Variants in PDE4B observed in about 807,000 individuals in gnomAD.
PDE4B encodes phosphodiesterase 4B.
Under a neutral mutation model 82.2 loss-of-function variants are expected in PDE4B, and 20 were observed. The ratio of observed to expected loss-of-function variants is 0.24; its 90% CI spans 0.17 to 0.35. The LOEUF is 0.35. Among genes scored for constraint, PDE4B ranks in the 10% least tolerant of loss-of-function variants. PDE4B has a pLI of 1.00. For missense variants in PDE4B, 655 were observed against 907.2 expected, an observed-to-expected ratio of 0.72 and a Z score of 3.57; for synonymous variants, 320 against 318.9, an observed-to-expected ratio of 1.00 and a Z score of -0.04.
intron 3 of PDE4B, among the ~76,000 whole-genome samples, chr1:66,014,007 G>T (rs1652632445): frequency 6.6e-6 from 1 of 152,050 alleles, no homozygotes; most frequent in African/African-American, 2.4e-5. Flanking sequence ...GTGTTAGATG[G>T]CACATCATCT....
At chr1:66,095,735 A>G (rs1645101629) in intron 3 of PDE4B, among the ~76,000 whole-genome samples, 1 of 151,854 alleles carries the variant, frequency 6.6e-6, no homozygotes, top group Non-Finnish European at 1.5e-5. Flanking sequence ...GATCATAACA[A>G]TCATCTCACA....
At chr1:66,371,072 A>ATATG (rs1345206636) in intron 16 of PDE4B, among the ~76,000 whole-genome samples, 8 of 137,964 alleles carry the variant, frequency 5.8e-5, no homozygotes, top group African/African-American at 2.1e-4. Context: ...ATATATATAT[A>ATATG]TATATATACA....
chr1:66,029,679 A>G (rs1350437090), intron 3 of PDE4B, among the ~76,000 whole-genome samples: 1 of 152,176 alleles, frequency 6.6e-6, no homozygotes, highest in African/African-American at 2.4e-5. Context: ...ATATGTTACT[A>G]TAATAATAAG....
chr1:66,069,057 C>A (rs1047725123), intron 3 of PDE4B, among the ~76,000 whole-genome samples: 2 of 151,970 alleles, frequency 1.3e-5, no homozygotes, highest in African/African-American at 4.8e-5. Context: ...ACAAAGAGAA[C>A]AGGCTGTGGC....
chr1:66,320,878 G>GGAT (rs1659352602), intron 7 of PDE4B, among the ~76,000 whole-genome samples: 1 of 152,170 alleles, frequency 6.6e-6, no homozygotes, highest in Non-Finnish European at 1.5e-5. Context: ...GATGACACTA[G>GGAT]GCTGCATCCT....
intron 7 of PDE4B, among the ~76,000 whole-genome samples, chr1:66,286,358 T>C (rs1467214351): frequency 6.6e-6 from 1 of 152,178 alleles, no homozygotes; most frequent in Non-Finnish European, 1.5e-5. Context: ...TATTTTGAAA[T>C]GCTATTAAAA....
intron 3 of PDE4B, among the ~76,000 whole-genome samples, chr1:66,215,491 A>T (rs989948718): frequency 6.6e-6 from 1 of 152,306 alleles, no homozygotes; most frequent in African/African-American, 2.4e-5. Context: ...GAGGGTAAAC[A>T]TACAATATTA....
chr1:65,861,458 G>A (rs1646453102), intron 1 of PDE4B, among the ~76,000 whole-genome samples: 3 of 152,112 alleles, frequency 2.0e-5, no homozygotes, highest in Admixed American at 2.0e-4. Flanking sequence ...TAGCCTTGTA[G>A]TTAGTTTGAA....
intron 3 of PDE4B, among the ~76,000 whole-genome samples, chr1:66,189,591 C>T (rs1234407189): frequency 5.9e-5 from 9 of 152,150 alleles, no homozygotes; most frequent in East Asian, 3.9e-4. Context: ...TTTGATCTTC[C>T]GTCATTGATA....
intron 3 of PDE4B, among the ~76,000 whole-genome samples, chr1:66,129,659 CAA>C (rs59846345): frequency 0.028 from 2,633 of 94,790 alleles, 116 homozygotes; most frequent in East Asian, 0.17. Flanking sequence ...GACTCCGTCT[CAA>C]AAAAAAAAAA....
intron 4 of PDE4B, among the ~76,000 whole-genome samples, chr1:66,256,450 C>T (rs1306910239): frequency 3.3e-5 from 5 of 152,136 alleles, no homozygotes; most frequent in South Asian, 2.1e-4. Flanking sequence ...AGTAGTGACA[C>T]AAATAATGCT....
At chr1:65,828,127 G>A (rs756325049) in intron 1 of PDE4B, among the ~76,000 whole-genome samples, 7 of 151,982 alleles carry the variant, frequency 4.6e-5, no homozygotes, top group Non-Finnish European at 7.4e-5. Context: ...TAGGAGGAAT[G>A]TAAAGGAATC....
intron 4 of PDE4B, among the ~76,000 whole-genome samples, chr1:66,255,090 T>A (rs1570565983): frequency 6.6e-6 from 1 of 151,262 alleles, no homozygotes; most frequent in African/African-American, 2.4e-5. Context: ...TTCTTTCTCT[T>A]TCTTTCTTTT....
chr1:66,047,990 C>T (rs546925081), intron 3 of PDE4B, among the ~76,000 whole-genome samples: 3 of 151,884 alleles, frequency 2.0e-5, no homozygotes, highest in South Asian at 4.1e-4. Context: ...CATGCATACA[C>T]GTTCTTTCTT....
chr1:66,049,519 A>G (rs920056567), intron 3 of PDE4B, among the ~76,000 whole-genome samples: 1 of 152,016 alleles, frequency 6.6e-6, no homozygotes, highest in Non-Finnish European at 1.5e-5. Context: ...AGACCTGGCT[A>G]TTTCTGGAGG....
intron 1 of PDE4B, among the ~76,000 whole-genome samples, chr1:65,799,994 TG>T (rs1182483342): frequency 6.6e-6 from 1 of 152,226 alleles, no homozygotes. Flanking sequence ...ATTGCTTTAG[TG>T]GTCATTTAAA....
At chr1:66,027,837 C>A (rs760234561) in intron 3 of PDE4B, among the ~76,000 whole-genome samples, 4 of 152,230 alleles carry the variant, frequency 2.6e-5, no homozygotes, top group Non-Finnish European at 4.4e-5. Context: ...GGGGTGGGTT[C>A]CCATGGTCTT....
intron 3 of PDE4B, among the ~76,000 whole-genome samples, chr1:66,168,586 G>A (rs1646780150): frequency 6.6e-6 from 1 of 152,284 alleles, no homozygotes; most frequent in African/African-American, 2.4e-5. Flanking sequence ...GGGGAATGGG[G>A]AGAATGAGGA....
intron 7 of PDE4B, among the ~76,000 whole-genome samples, chr1:66,293,977 G>A (rs34591625): frequency 6.6e-6 from 1 of 152,148 alleles, no homozygotes. Flanking sequence ...AGGCCAAGCT[G>A]GGCAAGTCCC....
Sources: allele counts gnomAD v4.1 joint callset (sites outside exome capture counted in the v4.1 genomes callset), GRCh38; gene constraint gnomAD v4.1.1; transcripts MANE v1.5; gene names NCBI Gene and HGNC (gene_info 2026-07-23, HGNC 2026-07-21).